The following NELL1 variants were observed in gnomAD, a reference collection of about 807,000 sequenced individuals.
The protein encoded by NELL1 is neural EGFL like 1.
In NELL1, 76 loss-of-function variants were observed where a neutral mutation model predicts 107.4. That is an observed-to-expected ratio of 0.71 (90% CI 0.59 to 0.86). The LOEUF (loss-of-function observed/expected upper bound fraction) is 0.86, where lower values mean the gene tolerates loss of function less well. Ranked by LOEUF, NELL1 falls within the 40% of genes least tolerant of loss-of-function variation. The pLI is 0.00. For missense variants in NELL1, 1,024 were observed against 1,005.5 expected (o/e 1.02, Z -0.25); for synonymous variants, 353 against 341.2 (o/e 1.03, Z -0.38).
rs190501864 is a variant in NELL1 at position 20,856,633 on chromosome 11, G to A, written c.506+8880G>A. The stretch of plus-strand genomic sequence containing the variant: ...GCAGTTGACTGACTAATCCTTCCAT[G>A]TACTTTTGCTAATATCTGCTTTCCA... On this transcript the variant is annotated intron_variant, in intron 4 of 19. Coordinates refer to ENST00000357134, the MANE Select transcript of NELL1 (RefSeq NM_006157.5). 3.6e-3 allele frequency among the ~76,000 whole-genome samples: 548 copies of A among 152,336 alleles called. 4 individuals are homozygous for A. Among genetic ancestry groups the A allele is most frequent in the Non-Finnish European group, 6.5e-3 (445 of 68,032 alleles).
At chr11:20,877,314 C>T (rs1849323221) in intron 4 of NELL1, among the ~76,000 whole-genome samples, 1 of 152,176 alleles carries the variant, frequency 6.6e-6, no homozygotes, top group East Asian at 1.9e-4. Flanking sequence ...CTCATTTGGG[C>T]TTCATATTGT....
At chr11:20,763,739 A>C (rs931506404) in intron 2 of NELL1, among the ~76,000 whole-genome samples, 5 of 152,232 alleles carry the variant, frequency 3.3e-5, no homozygotes, top group Non-Finnish European at 7.3e-5. Context: ...TGACACCTGT[A>C]ACTCAGGCCC....
intron 3 of NELL1, among the ~76,000 whole-genome samples, chr11:20,786,317 AC>A (rs1856955066): frequency 6.7e-6 from 1 of 150,184 alleles, no homozygotes; most frequent in South Asian, 2.2e-4. Context: ...ACCATCGCAC[AC>A]CAGCCTGGGC....
chr11:21,431,661 G>A (rs1409771358), intron 15 of NELL1, among the ~76,000 whole-genome samples: 1 of 152,180 alleles, frequency 6.6e-6, no homozygotes, highest in East Asian at 1.9e-4. Context: ...ATCTGCTGCA[G>A]TTTTCACAGA....
intron 15 of NELL1, among the ~76,000 whole-genome samples, chr11:21,376,718 G>A (rs1195010076): frequency 3.3e-5 from 5 of 152,016 alleles, no homozygotes; most frequent in Non-Finnish European, 7.4e-5. Context: ...TGTCATCTAT[G>A]ATTTATTATA....
chr11:21,188,378 A>C (rs950994836), intron 13 of NELL1, among the ~76,000 whole-genome samples: 4 of 151,742 alleles, frequency 2.6e-5, no homozygotes, highest in African/African-American at 9.7e-5. Context: ...CCCTTTATCC[A>C]CAACTCTGCA....
intron 13 of NELL1, among the ~76,000 whole-genome samples, chr11:21,162,911 G>A (rs1856403909): frequency 6.6e-6 from 1 of 151,966 alleles, no homozygotes; most frequent in Admixed American, 6.6e-5. Flanking sequence ...AATCACAGCT[G>A]GTATATACCC....
At chr11:21,001,544 A>G (rs1356736056) in intron 12 of NELL1, among the ~76,000 whole-genome samples, 1 of 151,742 alleles carries the variant, frequency 6.6e-6, no homozygotes, top group Non-Finnish European at 1.5e-5. Flanking sequence ...TACATTCCAG[A>G]TATCCCTGGT....
chr11:20,691,961 A>C (rs368709426), intron 2 of NELL1, among the ~76,000 whole-genome samples: 12 of 152,082 alleles, frequency 7.9e-5, no homozygotes, highest in Admixed American at 3.3e-4. Flanking sequence ...ACAATTTCAG[A>C]TCCTGTTATT....
At chr11:21,404,710 C>G (rs1852192721) in intron 15 of NELL1, among the ~76,000 whole-genome samples, 1 of 151,974 alleles carries the variant, frequency 6.6e-6, no homozygotes, top group Non-Finnish European at 1.5e-5. Flanking sequence ...TTTAGGCACT[C>G]AACATGTAAC....
At chr11:21,371,053 G>A in intron 15 of NELL1, 105 bp downstream of exon 15, 1 of 861,520 alleles carries the variant, frequency 1.2e-6, no homozygotes, top group African/African-American at 1.7e-5. Flanking sequence ...GGGTTGACTT[G>A]ATACATTGTG....
intron 15 of NELL1, among the ~76,000 whole-genome samples, chr11:21,528,792 C>A (rs1855923492): frequency 6.6e-6 from 1 of 152,120 alleles, no homozygotes; most frequent in Non-Finnish European, 1.5e-5. Flanking sequence ...CAAACTCAAA[C>A]ATATCTAACT....
In NELL1 at chr11:21,326,652, G is replaced by A. The variant is rs1296001618; in HGVS notation, c.1550-44201G>A. Among the ~76,000 whole-genome samples, 4 of 151,852 alleles carry A rather than the reference G, an allele frequency of 2.6e-5. No individual in the cohort carries two copies. The East Asian group carries it at 7.8e-4, about 30-fold the overall frequency. ...TCTACCTGAAGAACTTCATTTAATAGGGTGCAAATTTGCTGGTGGTAATGT... is the reference window on the plus strand; with the variant it reads ...TCTACCTGAAGAACTTCATTTAATAAGGTGCAAATTTGCTGGTGGTAATGT... On this transcript the variant is annotated intron_variant, in intron 14 of 19. Coordinates refer to ENST00000357134, the MANE Select transcript of NELL1 (RefSeq NM_006157.5).
intron 2 of NELL1, among the ~76,000 whole-genome samples, chr11:20,751,305 A>C (rs954737151): frequency 1.3e-5 from 2 of 152,174 alleles, no homozygotes; most frequent in African/African-American, 2.4e-5. Context: ...TCTATGCATC[A>C]ATTTTGGATA....
At chr11:20,969,730 A>C (rs1394173590) in intron 12 of NELL1, among the ~76,000 whole-genome samples, 1 of 152,116 alleles carries the variant, frequency 6.6e-6, no homozygotes, top group Non-Finnish European at 1.5e-5. Context: ...TCTATCATTT[A>C]GCAGCCGGGT....
At chr11:21,543,954 C>T (rs1856363096) in intron 16 of NELL1, among the ~76,000 whole-genome samples, 2 of 151,942 alleles carry the variant, frequency 1.3e-5, no homozygotes, top group Admixed American at 1.3e-4. Context: ...CTAACAGAAC[C>T]TCAGATGAGC....
chr11:21,177,512 T>G (rs1856738778), intron 13 of NELL1, among the ~76,000 whole-genome samples: 1 of 151,878 alleles, frequency 6.6e-6, no homozygotes, highest in South Asian at 2.1e-4. Flanking sequence ...AGTCGTCTGT[T>G]GATGGGCACC....
intron 14 of NELL1, among the ~76,000 whole-genome samples, chr11:21,342,287 C>T (rs1850583385): frequency 6.6e-6 from 1 of 152,048 alleles, no homozygotes; most frequent in South Asian, 2.1e-4. Flanking sequence ...CAAGGGATAT[C>T]CCTTCTTTCA....
chr11:21,157,110 T>C (rs1392203239), intron 13 of NELL1, among the ~76,000 whole-genome samples: 5 of 151,118 alleles, frequency 3.3e-5, no homozygotes, highest in African/African-American at 7.3e-5. Flanking sequence ...CTCAAAAATA[T>C]GTGTATATAT....
Sources: allele counts gnomAD v4.1 joint callset (sites outside exome capture counted in the v4.1 genomes callset), GRCh38; gene constraint gnomAD v4.1.1; transcripts MANE v1.5; gene names NCBI Gene and HGNC (gene_info 2026-07-23, HGNC 2026-07-21).